The following MCHR2 variants were observed in gnomAD, a reference collection of about 807,000 sequenced individuals.
The protein encoded by MCHR2 is melanin concentrating hormone receptor 2, also known as melanin-concentrating hormone receptor 2.
Under a neutral mutation model 24.8 loss-of-function variants are expected in MCHR2, and 15 were observed. The observed-to-expected ratio is 0.60, with a 90% confidence interval of 0.40 to 0.93. The LOEUF (loss-of-function observed/expected upper bound fraction) is 0.93, where lower values mean the gene tolerates loss of function less well. Among genes scored for constraint, MCHR2 ranks in the 40% least tolerant of loss-of-function variants. MCHR2 has a pLI of 0.00. For missense variants in MCHR2, 386 were observed against 408.7 expected, an observed-to-expected ratio of 0.94 and a Z score of 0.48; for synonymous variants, 151 against 147.6, an observed-to-expected ratio of 1.02 and a Z score of -0.17.
intron 5 of MCHR2, among the ~76,000 whole-genome samples, chr6:99,930,912 C>G (rs201210980): frequency 6.6e-6 from 1 of 150,606 alleles, no homozygotes; most frequent in Non-Finnish European, 1.5e-5. Flanking sequence ...GGAGGAGAGG[C>G]GCTCTGCTTT....
intron 5 of MCHR2, among the ~76,000 whole-genome samples, chr6:99,923,656 A>G (rs978659453): frequency 1.3e-5 from 2 of 151,850 alleles, no homozygotes; most frequent in Non-Finnish European, 2.9e-5. Flanking sequence ...TATTTATTAT[A>G]TTGAATTTAA....
intron 1 of MCHR2, among the ~76,000 whole-genome samples, chr6:99,958,436 C>G (rs76775392): frequency 0.019 from 2,886 of 151,432 alleles, 32 homozygotes; most frequent in Middle Eastern, 0.048. Context: ...ATGTAAAAGG[C>G]TTTTAGAAGT....
chr6:99,978,099 C>T (rs1775588403), intron 1 of MCHR2, among the ~76,000 whole-genome samples: 1 of 152,178 alleles, frequency 6.6e-6, no homozygotes. Flanking sequence ...GGAAGTGCAG[C>T]CGATGGGCCT....
At chr6:99,948,792 T>C (rs1331596617) in intron 2 of MCHR2, among the ~76,000 whole-genome samples, 1 of 152,074 alleles carries the variant, frequency 6.6e-6, no homozygotes, top group Non-Finnish European at 1.5e-5. Flanking sequence ...GTCTAATGCA[T>C]TTTTTTTCTT....
intron 2 of MCHR2, 129 bp from the exon 3 acceptor site, chr6:99,948,100 A>T (rs1461951162): frequency 1.4e-6 from 1 of 704,314 alleles, no homozygotes; most frequent in East Asian, 2.7e-5. Flanking sequence ...ATACAGATGC[A>T]TAGAGGAAAT....
chr6:99,983,072 C>T (rs2114590288), intron 1 of MCHR2, among the ~76,000 whole-genome samples: 1 of 152,246 alleles, frequency 6.6e-6, no homozygotes, highest in African/African-American at 2.4e-5. Context: ...GTAATCCTCT[C>T]ACCTCAGATT....
chr6:99,974,330 A>G (rs1342493787), intron 1 of MCHR2, among the ~76,000 whole-genome samples: 1 of 151,980 alleles, frequency 6.6e-6, no homozygotes, highest in African/African-American at 2.4e-5. Flanking sequence ...ACACTGATAC[A>G]CTTTCTTCCA....
At position 99,942,955 on chromosome 6, in the gene MCHR2, A is replaced by G. The variant is rs1435553305; in HGVS notation, c.581T>C (p.Val194Ala). 2.5e-6 allele frequency: 4 copies of G among 1,610,512 alleles called. No homozygotes were observed. The Admixed American group carries it at 6.7e-5, about 27-fold the overall frequency. ...CAFDLTSPDD[V>A]LWYTLYLTIT... Reference sequence around the variant, plus strand: ...TTAAGTTTTCACAACTTACCAGAGTACATCGTCAGGGGATGTCAAATCAAA... The same window carrying G: ...TTAAGTTTTCACAACTTACCAGAGTGCATCGTCAGGGGATGTCAAATCAAA... Residue 194 changes from valine to alanine, a missense_variant, in exon 4 of 6, where the codon GTA (valine) becomes GCA (alanine). By Grantham distance (64) the Val-to-Ala change is moderately conservative (BLOSUM62 0). Coordinates refer to ENST00000281806, the MANE Select transcript of MCHR2 (RefSeq NM_001040179.2).
intron 1 of MCHR2, among the ~76,000 whole-genome samples, chr6:99,962,299 A>C (rs1775204084): frequency 1.3e-5 from 2 of 152,198 alleles, no homozygotes. Context: ...GTTAGATAGC[A>C]TGAGATTTCA....
At chr6:99,936,686 C>A (rs561075682) in intron 4 of MCHR2, among the ~76,000 whole-genome samples, 174 of 151,910 alleles carry the variant, frequency 1.1e-3, no homozygotes, top group Non-Finnish European at 1.9e-3. Flanking sequence ...TTTTGTGGTT[C>A]CATATAAATT....
At chr6:99,979,373 A>C (rs1775621228) in intron 1 of MCHR2, among the ~76,000 whole-genome samples, 1 of 152,148 alleles carries the variant, frequency 6.6e-6, no homozygotes, top group African/African-American at 2.4e-5. Context: ...ACAGCAGCAC[A>C]GTATGCATGT....
Position 99,947,764 on chromosome 6 carries a change from G to A in MCHR2, c.390C>T (p.Asp130=), listed in dbSNP as rs1223853922. ...CSAIMTVMSV[D]RYFALVQPFR... ...ATATTTCAAAGTCTTTCACTTACCT[G>A]TCCACACTCATTACAGTCATGATGG... Residue 130 remains aspartate, a splice_region_variant and synonymous_variant, in exon 3 of 6, where the codon GAC becomes GAT. Transcript: ENST00000281806. 2 of 1,613,244 alleles carry A rather than the reference G, an allele frequency of 1.2e-6. No homozygotes were observed. Among genetic ancestry groups the A allele is most frequent in the South Asian group, 2.2e-5 (2 of 91,024 alleles).
intron 4 of MCHR2, among the ~76,000 whole-genome samples, chr6:99,938,167 C>T (rs372566573): frequency 6.6e-5 from 10 of 151,626 alleles, no homozygotes; most frequent in Admixed American, 2.0e-4. Flanking sequence ...TTTTGTTGAT[C>T]GTCTGTAGTT....
At position 99,921,048 on chromosome 6, in the gene MCHR2, G is replaced by A; in HGVS notation, c.915C>T (p.Leu305=). 3 of 1,614,166 alleles carry A rather than the reference G, an allele frequency of 1.9e-6. No individual in the cohort carries two copies. Among genetic ancestry groups the A allele is most frequent in the Non-Finnish European group, 2.5e-6 (3 of 1,180,020 alleles). ...SYASSSINPF[L]YILLSGNFQK... ...GGAAATTTCCACTCAGCAGGATGTA[G>A]AGAAAAGGGTTAATGCTGCTGCTGG... Residue 305 remains leucine (L), a synonymous_variant, in exon 6 of 6, where the codon CTC becomes CTT. Coordinates refer to ENST00000281806, the MANE Select transcript of MCHR2 (RefSeq NM_001040179.2).
Position 99,919,753 on chromosome 6 carries a change from C to T in MCHR2, c.*1187G>A, listed in dbSNP as rs1170281274. On this transcript the variant is annotated 3_prime_UTR_variant, in exon 6 of 6. Transcript: ENST00000281806. ...TGTTTTGTTTTTTTTTTTGAGATGA[C>T]GTCTCACTCTATTGCCCAAGCTGGA... Among the ~76,000 whole-genome samples the T allele has an allele frequency of 3.6e-5, 5 of 138,534 alleles. No homozygotes were observed. Among genetic ancestry groups the T allele is most frequent in the African/African-American group, 1.1e-4 (4 of 37,688 alleles). 90.9% of individuals were successfully genotyped at this position (138,534 alleles called of 152,430 possible).
At chr6:99,932,082 T>G (rs1015786303) in intron 5 of MCHR2, among the ~76,000 whole-genome samples, 3 of 152,204 alleles carry the variant, frequency 2.0e-5, no homozygotes, top group Non-Finnish European at 4.4e-5. Flanking sequence ...TTAGTTCATC[T>G]GGGAAAGTCT....
At chr6:99,922,454 A>T (rs1017758659) in intron 5 of MCHR2, among the ~76,000 whole-genome samples, 2 of 152,092 alleles carry the variant, frequency 1.3e-5, no homozygotes, top group Admixed American at 6.6e-5. Context: ...TGGAGTAAGA[A>T]ATTTTGCCCA....
At chr6:99,982,138 T>G (rs955812491) in intron 1 of MCHR2, among the ~76,000 whole-genome samples, 7 of 152,060 alleles carry the variant, frequency 4.6e-5, no homozygotes, top group African/African-American at 1.7e-4. Context: ...CCTCACAGCT[T>G]CATTGCTTCC....
chr6:99,989,078 T>G (rs1341192098), intron 1 of MCHR2, among the ~76,000 whole-genome samples: 1 of 152,132 alleles, frequency 6.6e-6, no homozygotes, highest in East Asian at 1.9e-4. Flanking sequence ...AAACACAGGT[T>G]AAGAACAAGC....
Sources: allele counts gnomAD v4.1 joint callset (sites outside exome capture counted in the v4.1 genomes callset), GRCh38; gene constraint gnomAD v4.1.1; transcripts MANE v1.5; gene names NCBI Gene and HGNC (gene_info 2026-07-23, HGNC 2026-07-21).